Variants in XKR4 observed in about 807,000 individuals in gnomAD.
XKR4 encodes XK-related protein 4.
In XKR4, 12 loss-of-function variants were observed where a neutral mutation model predicts 53.9. That is an observed-to-expected ratio of 0.22 (90% confidence interval 0.14 to 0.36). The LOEUF is 0.36. Ranked by LOEUF, XKR4 falls within the 10% of genes least tolerant of loss-of-function variation. The pLI is 1.00. For synonymous variants in XKR4, 354 were observed against 362.4 expected (o/e 0.98, Z 0.26); for missense variants, 799 against 859.5 (o/e 0.93, Z 0.88).
chr8:55,511,344 C>A (rs986931698), intron 2 of XKR4, among the ~76,000 whole-genome samples: 1 of 152,134 alleles, frequency 6.6e-6, no homozygotes, highest in Admixed American at 6.6e-5. Flanking sequence ...GGAATGAAGC[C>A]AGGAAACATA....
chr8:55,442,852 A>G (rs930846139), intron 2 of XKR4, among the ~76,000 whole-genome samples: 1 of 152,182 alleles, frequency 6.6e-6, no homozygotes, highest in African/African-American at 2.4e-5. Context: ...GCTAATAGAA[A>G]TGTGGTTTTT....
chr8:55,518,723 T>G (rs1445820078), intron 2 of XKR4, among the ~76,000 whole-genome samples: 2 of 152,214 alleles, frequency 1.3e-5, no homozygotes, highest in African/African-American at 2.4e-5. Context: ...GGGCATTTGC[T>G]GTCTGCTGGA....
chr8:55,228,018 T>G (rs1429867918), intron 1 of XKR4, among the ~76,000 whole-genome samples: 2 of 152,238 alleles, frequency 1.3e-5, no homozygotes, highest in African/African-American at 4.8e-5. Context: ...GCAATTCTCC[T>G]GCCTCAGCCT....
intron 2 of XKR4, among the ~76,000 whole-genome samples, chr8:55,449,028 T>C (rs1805383754): frequency 6.6e-6 from 1 of 151,846 alleles, no homozygotes; most frequent in East Asian, 1.9e-4. Context: ...ATATAAATAG[T>C]AAATGACTTG....
chr8:55,247,194 C>A (rs1020349753), intron 1 of XKR4, among the ~76,000 whole-genome samples: 3 of 152,120 alleles, frequency 2.0e-5, no homozygotes, highest in African/African-American at 7.2e-5. Flanking sequence ...CTCCAATTGT[C>A]AGATGAAGCC....
intron 1 of XKR4, among the ~76,000 whole-genome samples, chr8:55,133,321 G>A (rs1168457093): frequency 2.6e-5 from 4 of 152,228 alleles, no homozygotes; most frequent in African/African-American, 7.2e-5. Flanking sequence ...GGAAACAGCA[G>A]GGATGCATCT....
At position 55,536,273 on chromosome 8, in the gene XKR4, T is replaced by C. The variant is rs1284351119; in HGVS notation, c.*12046T>C. ...TGAACAGTTAAGCAATTTTTCAACA[T>C]AGACAAAACCACTGGACCATTGATA... On this transcript the variant is annotated 3_prime_UTR_variant, in exon 3 of 3. Transcript: ENST00000327381. The C allele has an allele frequency of 1.3e-5, 2 of 152,236 alleles. No individual in the cohort carries two copies. Among genetic ancestry groups the C allele is most frequent in the African/African-American group, 4.8e-5 (2 of 41,470 alleles). 9.4% of individuals were successfully genotyped at this position (152,236 alleles called of 1,614,324 possible).
At chr8:55,189,117 G>T (rs78684761) in intron 1 of XKR4, among the ~76,000 whole-genome samples, 1 of 152,268 alleles carries the variant, frequency 6.6e-6, no homozygotes, top group East Asian at 1.9e-4. Context: ...GGGCTCCTAA[G>T]TTGAAGAGTT....
At chr8:55,176,650 G>T (rs1817239509) in intron 1 of XKR4, among the ~76,000 whole-genome samples, 1 of 152,146 alleles carries the variant, frequency 6.6e-6, no homozygotes, top group African/African-American at 2.4e-5. Flanking sequence ...ACAGGGTTCT[G>T]ACTTCGACCT....
At chr8:55,457,703 T>C (rs577791980) in intron 2 of XKR4, among the ~76,000 whole-genome samples, 1 of 152,220 alleles carries the variant, frequency 6.6e-6, no homozygotes, top group Non-Finnish European at 1.5e-5. Flanking sequence ...TGATAAAATG[T>C]AGGTAGATTG....
intron 1 of XKR4, among the ~76,000 whole-genome samples, chr8:55,175,760 G>A (rs996743305): frequency 3.9e-5 from 6 of 152,168 alleles, no homozygotes; most frequent in African/African-American, 1.4e-4. Flanking sequence ...ATCTGCTTTT[G>A]TGTTATTTAT....
At chr8:55,138,583 A>G (rs1816661895) in intron 1 of XKR4, among the ~76,000 whole-genome samples, 1 of 152,236 alleles carries the variant, frequency 6.6e-6, no homozygotes, top group Non-Finnish European at 1.5e-5. Context: ...AATTGAAGCT[A>G]AGTGCCACCA....
intron 1 of XKR4, among the ~76,000 whole-genome samples, chr8:55,280,847 T>C (rs1818836241): frequency 6.6e-6 from 1 of 152,186 alleles, no homozygotes; most frequent in African/African-American, 2.4e-5. Context: ...TACTCTAATA[T>C]ATATAGGTAT....
intron 2 of XKR4, among the ~76,000 whole-genome samples, chr8:55,495,274 G>A (rs1806325728): frequency 6.6e-6 from 1 of 152,180 alleles, no homozygotes; most frequent in African/African-American, 2.4e-5. Flanking sequence ...GCCTGCTGCA[G>A]GTAGCGAGGG....
At chr8:55,365,679 C>A (rs562747062) in intron 2 of XKR4, among the ~76,000 whole-genome samples, 1 of 146,428 alleles carries the variant, frequency 6.8e-6, no homozygotes, top group African/African-American at 2.6e-5. Context: ...TGCACTCCAG[C>A]CTGGGCAACA....
intron 1 of XKR4, among the ~76,000 whole-genome samples, chr8:55,151,272 C>A (rs1276248531): frequency 6.6e-6 from 1 of 152,216 alleles, no homozygotes; most frequent in Non-Finnish European, 1.5e-5. Flanking sequence ...CTTCACAGGA[C>A]ATTATCTGAC....
At chr8:55,222,354 A>T (rs944852984) in intron 1 of XKR4, among the ~76,000 whole-genome samples, 1 of 152,184 alleles carries the variant, frequency 6.6e-6, no homozygotes, top group African/African-American at 2.4e-5. Flanking sequence ...GCCACAGCTC[A>T]CTGAATTGAT....
intron 2 of XKR4, among the ~76,000 whole-genome samples, chr8:55,500,426 A>G (rs2129403395): frequency 6.6e-6 from 1 of 152,312 alleles, no homozygotes; most frequent in Non-Finnish European, 1.5e-5. Flanking sequence ...TTATTTTACC[A>G]CATTGACAAG....
At chr8:55,320,913 A>T (rs1289224648) in intron 1 of XKR4, among the ~76,000 whole-genome samples, 2 of 152,108 alleles carry the variant, frequency 1.3e-5, no homozygotes, top group African/African-American at 4.8e-5. Context: ...AACTCCTTGA[A>T]TGAAAGGACC....
Sources: gnomAD v4.1 joint callset for allele counts (sites outside exome capture counted in the v4.1 genomes callset) on GRCh38, gnomAD v4.1.1 for gene constraint, MANE v1.5 for transcripts, NCBI Gene and HGNC (gene_info 2026-07-23, HGNC 2026-07-21) for gene names.